Variants in SORCS1 observed in about 807,000 individuals in gnomAD.
SORCS1 encodes VPS10 domain-containing receptor SorCS1.
A neutral mutation model predicts 146.1 loss-of-function variants in SORCS1; 60 were observed. The observed-to-expected ratio is 0.41, with a 90% CI of 0.33 to 0.51. SORCS1 has a LOEUF of 0.51. Among genes scored for constraint, SORCS1 ranks in the 20% least tolerant of loss-of-function variants. SORCS1 has a pLI of 0.21. For synonymous variants in SORCS1, 637 were observed against 584.0 expected (o/e 1.09, Z -1.31); for missense variants, 1,352 against 1,487.6 (o/e 0.91, Z 1.50).
intron 1 of SORCS1, among the ~76,000 whole-genome samples, chr10:107,132,875 C>T (rs551017602): frequency 2.2e-4 from 33 of 152,046 alleles, no homozygotes; most frequent in African/African-American, 6.8e-4. Flanking sequence ...AAATAAAAAA[C>T]GAGACCTTGT....
chr10:107,159,949 A>T (rs1969578713), intron 1 of SORCS1, among the ~76,000 whole-genome samples: 2 of 152,188 alleles, frequency 1.3e-5, no homozygotes, highest in Non-Finnish European at 2.9e-5. Flanking sequence ...TCTATTCCTG[A>T]GGAACAACTG....
Position 106,874,594 on chromosome 10 carries a change from T to C in SORCS1, c.627-44921A>G, listed in dbSNP as rs75288580. Among the ~76,000 whole-genome samples the C allele has an allele frequency of 1.6e-3, 251 of 152,336 alleles. 2 individuals are homozygous for C. Among genetic ancestry groups the C allele is most frequent in the African/African-American group, 5.1e-3 (213 of 41,590 alleles). On this transcript the variant is annotated intron_variant, in intron 2 of 25. Transcript: ENST00000263054. ...ATGTACTCAGATGAAAACAAAACTG[T>C]GTTGCAGTAAAAAGTGACAGTACTT...
At chr10:106,926,866 CAGAGAGAGAGAG>C (rs370902733) in intron 2 of SORCS1, among the ~76,000 whole-genome samples, 4 of 62,032 alleles carry the variant, frequency 6.4e-5, no homozygotes, top group African/African-American at 2.8e-4. Flanking sequence ...CACACACACA[CAGAGAGAGAGAG>C]AGAGAGAGAG....
At chr10:106,701,571 A>G (rs959152523) in intron 8 of SORCS1, among the ~76,000 whole-genome samples, 15 of 152,220 alleles carry the variant, frequency 9.9e-5, no homozygotes, top group African/African-American at 3.6e-4. Context: ...GATGAAACCA[A>G]TCCTGATGAA....
intron 1 of SORCS1, among the ~76,000 whole-genome samples, chr10:107,109,155 T>C (rs1017333801): frequency 6.6e-6 from 1 of 152,190 alleles, no homozygotes. Context: ...TCAACCATTC[T>C]GGGGTCTGAT....
In SORCS1 at chr10:106,917,101, C is replaced by T. The variant is rs117087190; in HGVS notation, c.626+39412G>A. Among the ~76,000 whole-genome samples the T allele has an allele frequency of 6.5e-4, 99 of 152,288 alleles. 1 individual carries two copies. The East Asian group carries it at 0.017, about 26-fold the overall frequency. On this transcript the variant is annotated intron_variant, in intron 2 of 25. Coordinates refer to ENST00000263054, the MANE Select transcript of SORCS1 (RefSeq NM_052918.5). The stretch of plus-strand genomic sequence containing the variant: ...TTTCACCTGGCCAGCTCGTTCTCAG[C>T]TGAAGTATGATGTTCTTGGAGAGGT...
At chr10:107,174,259 G>T in the SORCS1 span, among the ~76,000 whole-genome samples, 1 of 152,148 alleles carries the variant, frequency 6.6e-6, no homozygotes, top group Non-Finnish European at 1.5e-5. Flanking sequence ...AGGCTGGAGT[G>T]CAGTGGCGCC....
chr10:106,915,968 T>G (rs1952404717), intron 2 of SORCS1, among the ~76,000 whole-genome samples: 1 of 152,208 alleles, frequency 6.6e-6, no homozygotes, highest in Non-Finnish European at 1.5e-5. Flanking sequence ...TTGCTTGCAA[T>G]GAAAGGTATC....
At position 106,613,940 on chromosome 10, in the gene SORCS1, C is replaced by T. The variant is rs191401585; in HGVS notation, c.2921-1917G>A. Among the ~76,000 whole-genome samples, 838 of 152,228 alleles carry T rather than the reference C, an allele frequency of 5.5e-3. 34 individuals carry two copies. The highest frequency in any genetic ancestry group is 0.051 in the Admixed American group (772 of 15,286). On this transcript the variant is annotated intron_variant, in intron 21 of 25. Coordinates refer to ENST00000263054, the MANE Select transcript of SORCS1 (RefSeq NM_052918.5). ...CCCCTCTCATCATTCAGTCTCACCC[C>T]GAGAGGCCTTTCCAACCACCCAACC...
intron 2 of SORCS1, among the ~76,000 whole-genome samples, chr10:106,940,394 G>A (rs906551412): frequency 6.6e-6 from 1 of 152,148 alleles, no homozygotes; most frequent in Non-Finnish European, 1.5e-5. Flanking sequence ...GTCTGTACTT[G>A]GTGTTGGGTA....
chr10:106,655,833 T>C (rs1375574580), intron 17 of SORCS1, among the ~76,000 whole-genome samples: 1 of 152,180 alleles, frequency 6.6e-6, no homozygotes, highest in Admixed American at 6.5e-5. Flanking sequence ...CATTACAGAA[T>C]GGTTCTATTT....
At chr10:106,686,655 ACTGG>A (rs1186988358) in intron 10 of SORCS1, among the ~76,000 whole-genome samples, 1 of 152,190 alleles carries the variant, frequency 6.6e-6, no homozygotes, top group African/African-American at 2.4e-5. Context: ...TACTATAACA[ACTGG>A]CTTTTTCCTC....
At chr10:106,990,799 A>T (rs1409509271) in intron 1 of SORCS1, among the ~76,000 whole-genome samples, 1 of 152,230 alleles carries the variant, frequency 6.6e-6, no homozygotes, top group African/African-American at 2.4e-5. Flanking sequence ...CACTGTTAAA[A>T]TTAAACAGAC....
At chr10:106,746,273 A>G (rs1857739478) in intron 5 of SORCS1, among the ~76,000 whole-genome samples, 1 of 152,226 alleles carries the variant, frequency 6.6e-6, no homozygotes, top group Non-Finnish European at 1.5e-5. Context: ...GTAATGTAAG[A>G]TGTTAACATT....
intron 23 of SORCS1, among the ~76,000 whole-genome samples, chr10:106,599,662 T>C (rs961977228): frequency 2.6e-5 from 4 of 152,162 alleles, no homozygotes; most frequent in Admixed American, 6.5e-5. Flanking sequence ...GGAATTAGCC[T>C]GTTTTGCCAA....
intron 18 of SORCS1, among the ~76,000 whole-genome samples, chr10:106,634,765 A>C (rs1313030899): frequency 6.6e-6 from 1 of 152,214 alleles, no homozygotes; most frequent in African/African-American, 2.4e-5. Context: ...GCCGTAAAGA[A>C]GATAGAGAAT....
chr10:106,697,464 T>TAA (rs1232542580), intron 9 of SORCS1, among the ~76,000 whole-genome samples: 1 of 150,624 alleles, frequency 6.6e-6, no homozygotes, highest in Admixed American at 6.6e-5. Context: ...TCAAAATAAA[T>TAA]AAATAAATAA....
chr10:106,854,417 C>G (rs941337307), intron 2 of SORCS1, among the ~76,000 whole-genome samples: 1 of 151,814 alleles, frequency 6.6e-6, no homozygotes, highest in Non-Finnish European at 1.5e-5. Flanking sequence ...CAATCTCTGT[C>G]TTAATTGGTA....
At chr10:106,968,912 CTT>C (rs1306503427) in intron 1 of SORCS1, among the ~76,000 whole-genome samples, 3 of 152,166 alleles carry the variant, frequency 2.0e-5, no homozygotes, top group Non-Finnish European at 4.4e-5. Flanking sequence ...ATTTTACTCT[CTT>C]AAGAAATTAT....
Sources: gnomAD v4.1 joint callset for allele counts (sites outside exome capture counted in the v4.1 genomes callset) on GRCh38, gnomAD v4.1.1 for gene constraint, MANE v1.5 for transcripts, NCBI Gene and HGNC (gene_info 2026-07-23, HGNC 2026-07-21) for gene names.